The following PFKFB3 variants were observed in gnomAD, a reference collection of about 807,000 sequenced individuals.
The protein encoded by PFKFB3 is 6-phosphofructo-2-kinase/fructose-2,6-biphosphatase 3, also known as 6-phosphofructo-2-kinase/fructose-2,6-bisphosphatase 3.
In PFKFB3, 33 loss-of-function variants were observed where a neutral mutation model predicts 68.0. That is an observed-to-expected ratio of 0.49 (90% CI 0.37 to 0.65). PFKFB3 has a LOEUF of 0.65. PFKFB3 is among the 30% of genes least tolerant of loss of function. The probability of loss-of-function intolerance (pLI) is 0.00; values close to 1 mark genes in which losing one functional copy is unlikely to be tolerated. For synonymous variants in PFKFB3, 315 were observed against 288.2 expected (o/e 1.09, Z -0.94); for missense variants, 586 against 712.2 (o/e 0.82, Z 2.02).
At chr10:6,232,746 G>T in intron 14 of PFKFB3, 149 bp from the exon 15 acceptor site, 1 of 679,278 alleles carries the variant, frequency 1.5e-6, no homozygotes, top group African/African-American at 1.8e-5. Context: ...CCGCCTGTGA[G>T]GTTGGCAGCA....
At chr10:6,318,916 C>T in the PFKFB3 span, among the ~76,000 whole-genome samples, 3 of 152,146 alleles carry the variant, frequency 2.0e-5, no homozygotes, top group Non-Finnish European at 2.9e-5. Flanking sequence ...ATGGGTTCCA[C>T]GGTCACCCTG....
chr10:6,165,174 A>C (rs1448591806), intron 1 of PFKFB3, among the ~76,000 whole-genome samples: 1 of 152,170 alleles, frequency 6.6e-6, no homozygotes, highest in Non-Finnish European at 1.5e-5. Flanking sequence ...TCTGCAGTGC[A>C]TGGTGTCCCT....
At chr10:6,285,537 C>A in the PFKFB3 span, among the ~76,000 whole-genome samples, 20 of 152,288 alleles carry the variant, frequency 1.3e-4, no homozygotes, top group African/African-American at 4.6e-4. Flanking sequence ...CCAGCTCAAT[C>A]TCTTTACTTA....
chr10:6,245,512 G>A (rs7906176), intron 14 of PFKFB3, among the ~76,000 whole-genome samples: 109,237 of 151,356 alleles, frequency 0.72, 39,623 homozygotes, highest in Admixed American at 0.74. Context: ...AACTTCCTAG[G>A]TTCAAGGGAT....
chr10:6,316,243 GA>G, the PFKFB3 span, among the ~76,000 whole-genome samples: 11 of 152,120 alleles, frequency 7.2e-5, no homozygotes, highest in African/African-American at 2.7e-4. Flanking sequence ...AAACCTCTAG[GA>G]GCTCCTTCCC....
intron 14 of PFKFB3, chr10:6,231,722 C>A: frequency 3.4e-5 from 12 of 350,392 alleles, no homozygotes; most frequent in Non-Finnish European, 4.8e-5. Flanking sequence ...AGAATTGCCC[C>A]CTCCCAGTGG....
chr10:6,305,005 A>ATTTTTTTTTTTTTTTTTTTTT, the PFKFB3 span, among the ~76,000 whole-genome samples: 9 of 14,528 alleles, frequency 6.2e-4, 2 homozygotes, highest in East Asian at 0.01. Context: ...AATATTAGGA[A>ATTTTTTTTTTTTTTTTTTTTT]TTTTTTTTTT....
the PFKFB3 span, among the ~76,000 whole-genome samples, chr10:6,315,866 A>T: frequency 6.6e-6 from 1 of 152,362 alleles, no homozygotes; most frequent in South Asian, 2.1e-4. Context: ...ATACTGTATT[A>T]TACCATGTGG....
intron 6 of PFKFB3, among the ~76,000 whole-genome samples, chr10:6,218,865 C>T (rs150035858): frequency 3.9e-5 from 6 of 152,302 alleles, no homozygotes; most frequent in African/African-American, 1.2e-4. Flanking sequence ...GCACAGCTCC[C>T]GACTGACTCG....
At chr10:6,304,273 C>T in the PFKFB3 span, among the ~76,000 whole-genome samples, 1 of 152,046 alleles carries the variant, frequency 6.6e-6, no homozygotes, top group Non-Finnish European at 1.5e-5. Context: ...GACAACTTGA[C>T]CCAGCAGGGC....
rs756912905 is a variant in PFKFB3 at position 6,188,928 on chromosome 10, A to G, written c.17-24695A>G. 6.4e-4 allele frequency among the ~76,000 whole-genome samples: 93 copies of G among 144,496 alleles called. 1 individual carries two copies. The highest frequency in any genetic ancestry group is 9.0e-4 in the Non-Finnish European group (60 of 66,968). The allele number at this position is 144,496 out of a possible 152,430, so 94.8% of individuals were successfully genotyped here. On this transcript the variant is annotated intron_variant, in intron 1 of 14. Coordinates refer to the PFKFB3 transcript ENST00000379789. ...CGGCTCACTGCAAGCTCCGCCTCCCAGGTTCACGCCATTCTCCTGCCTCAG... is the reference window on the plus strand; with the variant it reads ...CGGCTCACTGCAAGCTCCGCCTCCCGGGTTCACGCCATTCTCCTGCCTCAG...
chr10:6,211,761 G>C (rs1844244423), intron 1 of PFKFB3, among the ~76,000 whole-genome samples: 1 of 152,210 alleles, frequency 6.6e-6, no homozygotes, highest in Admixed American at 6.5e-5. Context: ...GAGCATGGCA[G>C]CCCAGGGCTT....
chr10:6,217,981 G>T (rs2516627), intron 6 of PFKFB3, among the ~76,000 whole-genome samples: 141,223 of 152,300 alleles, frequency 0.93, 66,379 homozygotes, highest in East Asian at 1. Flanking sequence ...GTTAGCCCCG[G>T]TATCTTCCCC....
chr10:6,283,677 A>G, the PFKFB3 span, among the ~76,000 whole-genome samples: 1 of 152,250 alleles, frequency 6.6e-6, no homozygotes, highest in Non-Finnish European at 1.5e-5. Flanking sequence ...TTTAGTGAAC[A>G]AAGTTACGAG....
the PFKFB3 span, among the ~76,000 whole-genome samples, chr10:6,283,070 A>T: frequency 6.6e-6 from 1 of 152,130 alleles, no homozygotes; most frequent in Non-Finnish European, 1.5e-5. Flanking sequence ...GGTTCAAGCG[A>T]TTCTCCTGCC....
At chr10:6,149,202 A>G (rs891498197) in intron 1 of PFKFB3, among the ~76,000 whole-genome samples, 2 of 152,244 alleles carry the variant, frequency 1.3e-5, no homozygotes, top group Non-Finnish European at 1.5e-5. Context: ...CTAGAATCCT[A>G]TAACAATGTC....
chr10:6,235,978 G>A (rs748214325), downstream of PFKFB3, among the ~76,000 whole-genome samples: 22 of 152,108 alleles, frequency 1.4e-4, no homozygotes, highest in African/African-American at 2.9e-4. Flanking sequence ...TGTTGGCCAG[G>A]CTGATCTTGA....
chr10:6,242,910 T>A (rs1016494810), intron 14 of PFKFB3, among the ~76,000 whole-genome samples: 1 of 152,258 alleles, frequency 6.6e-6, no homozygotes, highest in Non-Finnish European at 1.5e-5. Flanking sequence ...TTCTATAATT[T>A]ACTTTATAGC....
At chr10:6,259,078 A>G (rs1188466805), downstream of PFKFB3, among the ~76,000 whole-genome samples, 1 of 152,166 alleles carries the variant, frequency 6.6e-6, no homozygotes, top group Non-Finnish European at 1.5e-5. Context: ...TCATCCATCC[A>G]TACACTCATC....
Sources: gnomAD v4.1 joint callset for allele counts (sites outside exome capture counted in the v4.1 genomes callset) on GRCh38, gnomAD v4.1.1 for gene constraint, MANE v1.5 for transcripts, NCBI Gene and HGNC (gene_info 2026-07-23, HGNC 2026-07-21) for gene names.